Variants in FBXL13 observed in about 807,000 individuals in gnomAD.
The protein encoded by FBXL13 is F-box and leucine-rich repeat protein 13.
In FBXL13, 67 loss-of-function variants were observed where a neutral mutation model predicts 83.6. The observed-to-expected ratio is 0.80, with a 90% CI of 0.66 to 0.98. FBXL13 has a LOEUF of 0.98. Ranked by LOEUF, FBXL13 falls within the 50% of genes least tolerant of loss-of-function variation. The pLI is 0.00. For synonymous variants in FBXL13, 272 were observed against 299.5 expected, an observed-to-expected ratio of 0.91 and a Z score of 0.95; for missense variants, 822 against 866.5, an observed-to-expected ratio of 0.95 and a Z score of 0.64.
Position 102,944,267 on chromosome 7 carries a change from A to C in FBXL13, c.725-12334T>G, listed in dbSNP as rs754360891. 18 of 1,613,254 alleles carry C rather than the reference A, an allele frequency of 1.1e-5. No individual in the cohort carries two copies. The highest frequency in any genetic ancestry group is 1.4e-5 in the Non-Finnish European group (17 of 1,179,814). ...TTAGATTTATCAAACAACAGTCTGC[A>C]AAACTTTGACTATGGCGTATTAGAA... is the stretch of plus-strand genomic sequence containing the variant. On this transcript the variant is annotated intron_variant, in intron 8 of 19. Transcript: ENST00000313221.
At chr7:102,902,011 C>T (rs999046216) in intron 11 of FBXL13, among the ~76,000 whole-genome samples, 2 of 152,190 alleles carry the variant, frequency 1.3e-5, no homozygotes, top group African/African-American at 4.8e-5. Context: ...AACCTCCAAA[C>T]TGTTCTCCAT....
intron 17 of FBXL13, among the ~76,000 whole-genome samples, chr7:102,844,766 G>A (rs1803635266): frequency 6.6e-6 from 1 of 152,154 alleles, no homozygotes; most frequent in African/African-American, 2.4e-5. Flanking sequence ...CCCAATCCCA[G>A]TAGATTTCAG....
chr7:103,039,866 A>G (rs1270777343), intron 2 of FBXL13, among the ~76,000 whole-genome samples: 2 of 152,166 alleles, frequency 1.3e-5, no homozygotes, highest in South Asian at 2.1e-4. Flanking sequence ...CAGCCACTGT[A>G]AAAACATTCC....
intron 6 of FBXL13, among the ~76,000 whole-genome samples, chr7:102,986,175 T>G (rs1043699490): frequency 3.3e-5 from 5 of 152,152 alleles, no homozygotes; most frequent in Non-Finnish European, 7.3e-5. Flanking sequence ...TTCATGGCAT[T>G]TACATGGCAG....
intron 11 of FBXL13, among the ~76,000 whole-genome samples, chr7:102,906,054 C>T (rs1028308561): frequency 2.0e-5 from 3 of 152,012 alleles, no homozygotes; most frequent in Non-Finnish European, 2.9e-5. Context: ...TCTTATATGG[C>T]GGCAGCAAGA....
intron 10 of FBXL13, among the ~76,000 whole-genome samples, chr7:102,922,624 T>C (rs963340989): frequency 6.6e-5 from 10 of 152,346 alleles, no homozygotes; most frequent in Middle Eastern, 6.8e-3. Context: ...AATGTTTTCA[T>C]TGACTTTTGT....
chr7:102,867,695 A>ATTTTTTTTT lies in FBXL13; in HGVS notation c.1635+9763_1635+9771dup, dbSNP rs1205859622. Among the ~76,000 whole-genome samples the ATTTTTTTTT allele has an allele frequency of 2.0e-4, 10 of 49,078 alleles. 1 individual carries two copies. Among genetic ancestry groups the ATTTTTTTTT allele is most frequent in the East Asian group, 7.4e-4 (1 of 1,354 alleles). 32.2% of individuals were successfully genotyped at this position (49,078 alleles called of 152,430 possible). A position where few individuals can be genotyped will look rare whatever the true frequency, so the allele number is the denominator to read the frequency against. On this transcript the variant is annotated intron_variant, in intron 16 of 19. Transcript: ENST00000313221. Reference sequence around the variant, plus strand: ...TATATATATATATATATATATATATATTTTTTTTTTTTTTTTTTTTTTTTT... The same window carrying ATTTTTTTTT: ...TATATATATATATATATATATATATATTTTTTTTTTTTTTTTTTTTTTTTTTTTTTTTTT...
At chr7:103,029,358 G>C (rs1343061079) in exon 3 of FBXL13, 1 of 1,543,364 alleles carries the variant, frequency 6.5e-7, no homozygotes, top group Non-Finnish European at 8.8e-7. Context: ...TACCAAAAAT[G>C]AGTCTTTACT....
intron 6 of FBXL13, among the ~76,000 whole-genome samples, chr7:102,986,444 A>G (rs953932351): frequency 2.6e-5 from 4 of 152,184 alleles, no homozygotes; most frequent in South Asian, 2.1e-4. Context: ...GACGATCAAA[A>G]GATCTGCCTT....
chr7:102,991,633 T>C (rs1012141026), intron 6 of FBXL13, among the ~76,000 whole-genome samples: 2 of 152,148 alleles, frequency 1.3e-5, no homozygotes, highest in African/African-American at 2.4e-5. Flanking sequence ...TCCTGTTTAA[T>C]GTTACCTTGT....
At chr7:102,940,131 T>A (rs1222075792) in intron 8 of FBXL13, among the ~76,000 whole-genome samples, 1 of 151,604 alleles carries the variant, frequency 6.6e-6, no homozygotes, top group Non-Finnish European at 1.5e-5. Flanking sequence ...TGACCTCAGG[T>A]GATCCGCCCA....
At chr7:102,933,716 A>T in intron 8 of FBXL13, 1 of 485,318 alleles carries the variant, frequency 2.1e-6, no homozygotes, top group South Asian at 3.4e-5. Flanking sequence ...CTTATCTGTC[A>T]GTAATACAGT....
chr7:103,015,784 G>A (rs540485497), intron 6 of FBXL13, among the ~76,000 whole-genome samples: 37 of 106,768 alleles, frequency 3.5e-4, no homozygotes, highest in Admixed American at 6.6e-4. Flanking sequence ...GTAACAGAGT[G>A]AGACTCTCAT....
In FBXL13 at chr7:103,054,409, G is replaced by A. The variant is rs938499192; in HGVS notation, c.-1+1235C>T. ...CGTCTGGAAAAAAAAAAAAAAAAAA[G>A]AGAGAGAGTTATCACACATGGTTCC... On this transcript the variant is annotated intron_variant, in intron 2 of 19. Transcript: ENST00000313221. Among the ~76,000 whole-genome samples the A allele has an allele frequency of 9.6e-3, 1,330 of 138,340 alleles. 28 individuals carry two copies. The highest frequency in any genetic ancestry group is 0.035 in the African/African-American group (1,277 of 36,680). The allele number at this position is 138,340 out of a possible 152,430, so 90.8% of individuals were successfully genotyped here. A position where few individuals can be genotyped will look rare whatever the true frequency, so the allele number is the denominator to read the frequency against.
intron 8 of FBXL13, among the ~76,000 whole-genome samples, chr7:102,937,345 C>CAAAA (rs373845836): frequency 7.0e-6 from 1 of 143,740 alleles, no homozygotes; most frequent in Non-Finnish European, 1.5e-5. Context: ...ACTAAAAATA[C>CAAAA]AAAAAAAAAA....
At chr7:102,827,227 T>A in intron 18 of FBXL13, 1 of 439,812 alleles carries the variant, frequency 2.3e-6, no homozygotes, top group Non-Finnish European at 4.7e-6. Context: ...TGAGACCGCA[T>A]GAAGCAGGAG....
chr7:102,830,951 G>A (rs181759843), intron 18 of FBXL13, among the ~76,000 whole-genome samples: 5 of 152,214 alleles, frequency 3.3e-5, no homozygotes, highest in African/African-American at 1.2e-4. Flanking sequence ...TTTTGTTCAC[G>A]ATTAAGAGTG....
intron 10 of FBXL13, among the ~76,000 whole-genome samples, chr7:102,918,928 T>A (rs1816453110): frequency 6.6e-6 from 1 of 152,100 alleles, no homozygotes; most frequent in Non-Finnish European, 1.5e-5. Flanking sequence ...ACACACACAC[T>A]TATATATCAT....
chr7:102,991,645 G>A lies in FBXL13; in HGVS notation c.496-23528C>T, dbSNP rs531105009. On this transcript the variant is annotated intron_variant, in intron 6 of 19. Coordinates refer to ENST00000313221, the Ensembl canonical transcript of FBXL13. Reference sequence around the variant, plus strand: ...CTCTCCTGTTTAATGTTACCTTGTAGTGCAATAAAAGGAGGGCTGTCTTTG... The same window carrying A: ...CTCTCCTGTTTAATGTTACCTTGTAATGCAATAAAAGGAGGGCTGTCTTTG... 1.8e-4 allele frequency among the ~76,000 whole-genome samples: 27 copies of A among 152,262 alleles called. No homozygotes were observed. In the East Asian group the frequency reaches 3.5e-3, roughly 20 times the overall value.
Sources: gnomAD v4.1 joint callset for allele counts (sites outside exome capture counted in the v4.1 genomes callset) on GRCh38, gnomAD v4.1.1 for gene constraint, MANE v1.5 for transcripts, NCBI Gene and HGNC (gene_info 2026-07-23, HGNC 2026-07-21) for gene names.